The following GALNTL5 variants were observed in gnomAD, a reference collection of about 807,000 sequenced individuals.
The protein encoded by GALNTL5 is polypeptide N-acetylgalactosaminyltransferase like 5, also known as inactive polypeptide N-acetylgalactosaminyltransferase-like protein 5.
A neutral mutation model predicts 51.0 loss-of-function variants in GALNTL5; 44 were observed. That is an observed-to-expected ratio of 0.86 (90% CI 0.68 to 1.11). The LOEUF is 1.11. GALNTL5 is among the 50% of genes least tolerant of loss of function. GALNTL5 has a pLI of 0.00. For synonymous variants in GALNTL5, 192 were observed against 182.8 expected (o/e 1.05, Z -0.41); for missense variants, 528 against 531.8 (o/e 0.99, Z 0.07).
In GALNTL5 at chr7:152,001,212, ATT is replaced by A. The variant is rs34824216; in HGVS notation, c.659-1491_659-1490del. Among the ~76,000 whole-genome samples, 99 of 146,108 alleles carry A rather than the reference ATT, an allele frequency of 6.8e-4. 1 individual carries two copies. The highest frequency in any genetic ancestry group is 1.6e-3 in the East Asian group (8 of 4,884). Reference sequence around the variant, plus strand: ...ACAGGCATAAGCCACCGCACCAGCCATTTTTTTTTTTTCATTTTCTCGATTGT... The same window carrying A: ...ACAGGCATAAGCCACCGCACCAGCCATTTTTTTTTTCATTTTCTCGATTGT... On this transcript the variant is annotated intron_variant, in intron 5 of 8. Coordinates refer to ENST00000392800, the MANE Select transcript of GALNTL5 (RefSeq NM_145292.4).
At chr7:151,979,067 A>T (rs7780792) in intron 3 of GALNTL5, among the ~76,000 whole-genome samples, 1 of 149,950 alleles carries the variant, frequency 6.7e-6, no homozygotes, top group Admixed American at 6.7e-5. Context: ...ATGATCAGCT[A>T]ATTGAGGACA....
At position 152,007,705 on chromosome 7, in the gene GALNTL5, T is replaced by G. The variant is rs1186240498; in HGVS notation, c.909-122T>G. 4.3e-6 allele frequency: 3 copies of G among 703,186 alleles called. No individual in the cohort carries two copies. In the East Asian group the frequency reaches 8.5e-5, roughly 20 times the overall value. 43.6% of individuals were successfully genotyped at this position (703,186 alleles called of 1,614,324 possible). ...AGTGCTGGGATTACAGGCATGAGCC[T>G]CCACACCCGGCCTGTTTTCTCATTT... On this transcript the variant is annotated intron_variant, in intron 6 of 8. Transcript: ENST00000392800.
intron 7 of GALNTL5, among the ~76,000 whole-genome samples, chr7:152,013,203 T>C (rs1016804146): frequency 1.2e-4 from 18 of 151,960 alleles, no homozygotes; most frequent in African/African-American, 3.9e-4. Flanking sequence ...GGGTGGACTG[T>C]GGGAGGAGGG....
chr7:152,014,555 A>C, intron 7 of GALNTL5, 89 bp from the exon 8 acceptor site: 1 of 1,308,618 alleles, frequency 7.6e-7, no homozygotes, highest in Non-Finnish European at 1.0e-6. Context: ...GGCATGAGCC[A>C]CCGCACCTGG....
chr7:151,957,540 C>A (rs2080940743), intron 1 of GALNTL5, among the ~76,000 whole-genome samples: 1 of 144,850 alleles, frequency 6.9e-6, no homozygotes, highest in Non-Finnish European at 1.5e-5. Flanking sequence ...CAGAGCGAGA[C>A]CCTGTCTCAA....
At chr7:151,967,131 T>C (rs2081070138) in intron 1 of GALNTL5, 77 bp from the exon 2 acceptor site, 3 of 862,544 alleles carry the variant, frequency 3.5e-6, no homozygotes, top group Non-Finnish European at 5.3e-6. Flanking sequence ...ACACTAAAAA[T>C]GGAATTTAAG....
chr7:151,973,788 G>A (rs2081176108), intron 3 of GALNTL5, among the ~76,000 whole-genome samples: 2 of 149,976 alleles, frequency 1.3e-5, no homozygotes, highest in Admixed American at 6.7e-5. Flanking sequence ...GGGGCCAGGG[G>A]CAGAATGATA....
At chr7:151,993,325 T>C (rs2151952170) in intron 5 of GALNTL5, among the ~76,000 whole-genome samples, 1 of 152,236 alleles carries the variant, frequency 6.6e-6, no homozygotes, top group South Asian at 2.1e-4. Flanking sequence ...ATAGAACAAA[T>C]TGTATGGTTT....
At chr7:151,958,814 A>G (rs903717742) in intron 1 of GALNTL5, among the ~76,000 whole-genome samples, 1 of 152,200 alleles carries the variant, frequency 6.6e-6, no homozygotes, top group African/African-American at 2.4e-5. Context: ...GAGAGTCAGC[A>G]AGGCAGAGAA....
chr7:151,969,799 T>TTTTTG (rs367616098), intron 2 of GALNTL5, among the ~76,000 whole-genome samples: 35 of 152,190 alleles, frequency 2.3e-4, no homozygotes, highest in Admixed American at 4.6e-4. Context: ...CAAAACTAAA[T>TTTTTG]TTTTGTTTTG....
At chr7:152,015,093 C>T (rs1222767786) in intron 8 of GALNTL5, among the ~76,000 whole-genome samples, 2 of 152,096 alleles carry the variant, frequency 1.3e-5, no homozygotes, top group African/African-American at 4.8e-5. Context: ...TTGTTCTTTT[C>T]TCTGTTTTTC....
intron 7 of GALNTL5, among the ~76,000 whole-genome samples, chr7:152,010,119 C>T (rs140347683): frequency 6.8e-6 from 1 of 146,346 alleles, no homozygotes; most frequent in Non-Finnish European, 1.5e-5. Flanking sequence ...AAAGTGGCTT[C>T]TTTTTTTTTT....
At chr7:151,986,630 G>A (rs537295681) in intron 4 of GALNTL5, among the ~76,000 whole-genome samples, 5 of 151,962 alleles carry the variant, frequency 3.3e-5, no homozygotes, top group African/African-American at 1.2e-4. Flanking sequence ...ATGAGGCCCT[G>A]TCTCAACAAA....
At chr7:151,967,178 T>C (rs1376814053) in intron 1 of GALNTL5, 30 bp from the exon 2 acceptor site, 1 of 1,418,182 alleles carries the variant, frequency 7.1e-7, no homozygotes, top group Non-Finnish European at 9.7e-7. Context: ...GAATATCTAA[T>C]GCTGCTCCTC....
chr7:151,985,212 TG>T (rs2081345895), intron 4 of GALNTL5, among the ~76,000 whole-genome samples: 1 of 152,170 alleles, frequency 6.6e-6, no homozygotes, highest in South Asian at 2.1e-4. Flanking sequence ...TGAATTTTGG[TG>T]GGGACACAAA....
At chr7:152,013,765 T>C (rs1255850420) in intron 7 of GALNTL5, among the ~76,000 whole-genome samples, 1 of 152,220 alleles carries the variant, frequency 6.6e-6, no homozygotes. Flanking sequence ...GTTATCTTAA[T>C]GTTTATGTCT....
chr7:152,002,205 G>A (rs527570125), intron 5 of GALNTL5, among the ~76,000 whole-genome samples: 47 of 152,068 alleles, frequency 3.1e-4, no homozygotes, highest in African/African-American at 1.0e-3. Flanking sequence ...GCTTGAACCC[G>A]GGAGGCGGAT....
At chr7:151,986,627 C>A (rs1388828723) in intron 4 of GALNTL5, among the ~76,000 whole-genome samples, 1 of 151,910 alleles carries the variant, frequency 6.6e-6, no homozygotes, top group African/African-American at 2.4e-5. Flanking sequence ...AGAATGAGGC[C>A]CTGTCTCAAC....
In GALNTL5 at chr7:152,002,840, G is replaced by A. The variant is rs752018337; in HGVS notation, c.785G>A (p.Arg262Lys). ...VCPLIDVIDD[R>K]TLEYKPSPLV... ...CCCCTGATAGATGTCATTGATGATA[G>A]AACTCTGGAGTATAAGCCCTCTCCT... The change falls in exon 6 of 9, where the codon AGA becomes AAA. Residue 262 changes from arginine (R) to lysine (K), a missense_variant. Physicochemically the swap from Arg to Lys is conservative, Grantham distance 26. Coordinates refer to ENST00000392800, the MANE Select transcript of GALNTL5 (RefSeq NM_145292.4). 5.0e-6 allele frequency: 8 copies of A among 1,614,034 alleles called. No individual in the cohort carries two copies. The highest frequency in any genetic ancestry group is 1.7e-5 in the Admixed American group (1 of 59,998).
Sources: allele counts gnomAD v4.1 joint callset (sites outside exome capture counted in the v4.1 genomes callset), GRCh38; gene constraint gnomAD v4.1.1; transcripts MANE v1.5; gene names NCBI Gene and HGNC (gene_info 2026-07-23, HGNC 2026-07-21).